The following NLN variants were observed in gnomAD, a reference collection of about 807,000 sequenced individuals.
NLN encodes the protein neurolysin, also known as neurolysin, mitochondrial.
Under a neutral mutation model 79.9 loss-of-function variants are expected in NLN, and 64 were observed. The ratio of observed to expected loss-of-function variants is 0.80; its 90% confidence interval spans 0.65 to 0.99. NLN has a LOEUF of 0.99. NLN is among the 50% of genes least tolerant of loss of function. The pLI, the probability that NLN is intolerant of heterozygous loss-of-function variation, is 0.00. For missense variants in NLN, 835 were observed against 858.7 expected, an observed-to-expected ratio of 0.97 and a Z score of 0.34; for synonymous variants, 267 against 296.6, an observed-to-expected ratio of 0.90 and a Z score of 1.02.
chr5:65,812,502 A>T (rs1760576088), intron 12 of NLN, 111 bp downstream of exon 12: 2 of 702,434 alleles, frequency 2.8e-6, no homozygotes, highest in Non-Finnish European at 4.8e-6. Context: ...GCTTGGTAAC[A>T]GCTTTTACCT....
intron 6 of NLN, among the ~76,000 whole-genome samples, chr5:65,782,226 A>T (rs2150757865): frequency 6.6e-6 from 1 of 152,290 alleles, no homozygotes; most frequent in South Asian, 2.1e-4. Flanking sequence ...TTTTGCCCAC[A>T]GGGAATTGTT....
Position 65,792,455 on chromosome 5 carries a change from G to A in NLN, c.1327G>A (p.Glu443Lys). The A allele has an allele frequency of 6.2e-7, 1 of 1,610,904 alleles. No homozygotes were observed. The highest frequency in any genetic ancestry group is 8.5e-7 in the Non-Finnish European group (1 of 1,177,454). The change falls in exon 9 of 13, where the codon GAA (glutamate) becomes AAA (lysine). Residue 443 changes from glutamate to lysine, a missense_variant and splice_region_variant. Physicochemically the swap from Glu to Lys is moderately conservative, Grantham distance 56. Coordinates refer to ENST00000380985, the MANE Select transcript of NLN (RefSeq NM_020726.5). ...GQFYLDLYPR[E>K]GKYNHAACFG... ...CCAACGCGTGTTTCTGGCTCCTAGG[G>A]AAGGAAAATACAATCATGCGGCCTG...
At chr5:65,809,900 T>C in intron 10 of NLN, 137 bp from the exon 11 acceptor site, 1 of 1,109,178 alleles carries the variant, frequency 9.0e-7, no homozygotes, top group African/African-American at 1.6e-5. Context: ...TCCTTTTAAA[T>C]CTTAAGTAGA....
At chr5:65,726,491 G>A (rs1758475387) in intron 1 of NLN, among the ~76,000 whole-genome samples, 1 of 152,092 alleles carries the variant, frequency 6.6e-6, no homozygotes, top group African/African-American at 2.4e-5. Context: ...AAAGTAAAAA[G>A]GATAAATAAT....
rs565681720 is a variant in NLN, at chr5:65,825,369, T to C, written c.*2454T>C. 6.6e-6 allele frequency: 1 copy of C among 152,132 alleles called. No homozygotes were observed. Among genetic ancestry groups the C allele is most frequent in the Non-Finnish European group, 1.5e-5 (1 of 68,008 alleles). 9.4% of individuals were successfully genotyped at this position (152,132 alleles called of 1,614,324 possible). On this transcript the variant is annotated 3_prime_UTR_variant, in exon 13 of 13. Coordinates refer to ENST00000380985, the MANE Select transcript of NLN (RefSeq NM_020726.5). ...TAATAAGGTCTCTCCTGGTAATTGA[T>C]CCAGGGGATTTAGGCCTCTTTCGGG...
intron 2 of NLN, 34 bp downstream of exon 2, chr5:65,758,860 C>A (rs1489480035): frequency 6.4e-7 from 1 of 1,571,020 alleles, no homozygotes; most frequent in Non-Finnish European, 8.7e-7. Flanking sequence ...CAGTGTTTCA[C>A]TTTGTGGACA....
intron 9 of NLN, chr5:65,793,113 C>T: frequency 3.5e-6 from 1 of 282,342 alleles, no homozygotes; most frequent in South Asian, 3.3e-5. Context: ...AAATTAAAAT[C>T]ATAGATAATA....
At position 65,738,883 on chromosome 5, in the gene NLN, A is replaced by C. The variant is rs190717999; in HGVS notation, c.41+16469A>C. On this transcript the variant is annotated intron_variant, in intron 1 of 12. Coordinates refer to ENST00000380985, the MANE Select transcript of NLN (RefSeq NM_020726.5). ...GTGATTCTCCTGCCCCAGCCTCCTG[A>C]GTAGCTGGGATCACAGGTGCGTGCC... 4.6e-3 allele frequency among the ~76,000 whole-genome samples: 677 copies of C among 147,250 alleles called. 3 individuals carry two copies. The highest frequency in any genetic ancestry group is 0.016 in the African/African-American group (637 of 40,036).
At chr5:65,755,910 A>G (rs1759206988) in intron 1 of NLN, among the ~76,000 whole-genome samples, 1 of 152,050 alleles carries the variant, frequency 6.6e-6, no homozygotes, top group Non-Finnish European at 1.5e-5. Flanking sequence ...GGCCAGATCC[A>G]CAGAGAATTG....
At chr5:65,757,778 A>G (rs1417369664) in intron 1 of NLN, among the ~76,000 whole-genome samples, 1 of 152,126 alleles carries the variant, frequency 6.6e-6, no homozygotes, top group Non-Finnish European at 1.5e-5. Flanking sequence ...CAAGTCTTAA[A>G]TTCAAATTGT....
At chr5:65,734,682 A>G (rs541392050) in intron 1 of NLN, among the ~76,000 whole-genome samples, 2 of 152,290 alleles carry the variant, frequency 1.3e-5, no homozygotes, top group African/African-American at 4.8e-5. Flanking sequence ...ACTTGTGGTC[A>G]ACACCGAAAG....
intron 2 of NLN, among the ~76,000 whole-genome samples, chr5:65,759,396 GTGTC>G (rs1441268152): frequency 0.023 from 2,355 of 104,012 alleles, 70 homozygotes; most frequent in African/African-American, 0.075. Context: ...GTGTGTGTGT[GTGTC>G]TGTGTGTGTG....
chr5:65,819,280 G>A (rs992654163), intron 12 of NLN, among the ~76,000 whole-genome samples: 2 of 152,160 alleles, frequency 1.3e-5, no homozygotes, highest in African/African-American at 4.8e-5. Flanking sequence ...GGAGATGGGA[G>A]GAGGAGAGGT....
chr5:65,755,782 G>A (rs1330366159), intron 1 of NLN, among the ~76,000 whole-genome samples: 2 of 152,178 alleles, frequency 1.3e-5, no homozygotes, highest in African/African-American at 4.8e-5. Flanking sequence ...GTGGACATGA[G>A]TTCTTGTGGA....
intron 9 of NLN, among the ~76,000 whole-genome samples, chr5:65,795,444 T>C (rs955467237): frequency 1.3e-5 from 2 of 152,132 alleles, no homozygotes; most frequent in East Asian, 3.9e-4. Flanking sequence ...CCAAGCACTT[T>C]GCGAGGCCCA....
In NLN at chr5:65,826,519, A is replaced by G. The variant is rs1335489198; in HGVS notation, c.*3604A>G. 3 of 152,228 alleles carry G rather than the reference A, an allele frequency of 2.0e-5. No individual in the cohort carries two copies. Among genetic ancestry groups the G allele is most frequent in the Middle Eastern group, 3.2e-3 (1 of 316 alleles). The allele number at this position is 152,228 out of a possible 1,614,324, so 9.4% of individuals were successfully genotyped here. ...CAGTGACCACAGCTTCTTCCCTCAA[A>G]TCAACACATTACAGTTAGATGTCTC... On this transcript the variant is annotated 3_prime_UTR_variant, in exon 13 of 13. Coordinates refer to ENST00000380985, the MANE Select transcript of NLN (RefSeq NM_020726.5).
rs555792192 is a variant in NLN at position 65,744,217 on chromosome 5, T to A, written c.42-14350T>A. ...CTCACCACGTTGCCTAGGCTGGTCTTGAACTTCTGGGCTCAAGTGATCCTT... is the reference window on the plus strand; with the variant it reads ...CTCACCACGTTGCCTAGGCTGGTCTAGAACTTCTGGGCTCAAGTGATCCTT... On this transcript the variant is annotated intron_variant, in intron 1 of 12. Coordinates refer to ENST00000380985, the MANE Select transcript of NLN (RefSeq NM_020726.5). 2.6e-5 allele frequency among the ~76,000 whole-genome samples: 4 copies of A among 152,244 alleles called. No individual in the cohort carries two copies. The South Asian group carries it at 8.3e-4, about 32-fold the overall frequency.
At position 65,737,093 on chromosome 5, in the gene NLN, A is replaced by C. The variant is rs371382838; in HGVS notation, c.41+14679A>C. ...GCACTCCAGCCTATGCGACAAAGGG[A>C]GACTCTGTCCAGCCTATGCGACAGA... On this transcript the variant is annotated intron_variant, in intron 1 of 12. Transcript: ENST00000380985. Among the ~76,000 whole-genome samples, 7 of 152,238 alleles carry C rather than the reference A, an allele frequency of 4.6e-5. No individual in the cohort carries two copies. The East Asian group carries it at 7.7e-4, about 17-fold the overall frequency.
chr5:65,807,082 C>T (rs747621077), intron 9 of NLN, among the ~76,000 whole-genome samples: 2 of 151,154 alleles, frequency 1.3e-5, no homozygotes, highest in Non-Finnish European at 2.9e-5. Flanking sequence ...GAAGGTAAGG[C>T]GGGAGGATCG....
Sources: gnomAD v4.1 joint callset for allele counts (sites outside exome capture counted in the v4.1 genomes callset) on GRCh38, gnomAD v4.1.1 for gene constraint, MANE v1.5 for transcripts, NCBI Gene and HGNC (gene_info 2026-07-23, HGNC 2026-07-21) for gene names.